ATXN1: variants seen among roughly 807,000 people sequenced by gnomAD.
The protein encoded by ATXN1 is ataxin-1.
In ATXN1, 8 loss-of-function variants were observed where a neutral mutation model predicts 56.4. That is an observed-to-expected ratio of 0.14 (90% CI 0.08 to 0.26). The LOEUF is 0.26. Among genes scored for constraint, ATXN1 ranks in the 10% least tolerant of loss-of-function variants. The pLI, the probability that ATXN1 is intolerant of heterozygous loss-of-function variation, is 1.00. For missense variants in ATXN1, 987 were observed against 1,106.5 expected (o/e 0.89, Z 1.53); for synonymous variants, 514 against 494.6 (o/e 1.04, Z -0.52).
chr6:16,680,142 C>T (rs1758784523), intron 2 of ATXN1, among the ~76,000 whole-genome samples: 1 of 152,110 alleles, frequency 6.6e-6, no homozygotes, highest in South Asian at 2.1e-4. Context: ...ATAATAAATT[C>T]TATCAGAATG....
intron 6 of ATXN1, among the ~76,000 whole-genome samples, chr6:16,440,008 G>A (rs551949217): frequency 6.8e-4 from 103 of 151,254 alleles, no homozygotes; most frequent in African/African-American, 2.4e-3. Context: ...CCGGGAGGCG[G>A]AGGTTGCAGT....
chr6:16,612,428 T>C (rs1214863428), intron 3 of ATXN1, among the ~76,000 whole-genome samples: 1 of 152,136 alleles, frequency 6.6e-6, no homozygotes, highest in African/African-American at 2.4e-5. Flanking sequence ...AAAGAATTCT[T>C]CTAAATAGGT....
intron 5 of ATXN1, among the ~76,000 whole-genome samples, chr6:16,513,070 C>T (rs1008377511): frequency 1.1e-4 from 17 of 152,206 alleles, no homozygotes; most frequent in East Asian, 5.8e-4. Flanking sequence ...GTTCAGCCAA[C>T]GGCTAGGAAA....
intron 3 of ATXN1, among the ~76,000 whole-genome samples, chr6:16,602,768 G>A (rs1052379078): frequency 6.6e-6 from 1 of 152,062 alleles, no homozygotes; most frequent in Non-Finnish European, 1.5e-5. Flanking sequence ...AATTCTGAAC[G>A]GGGAAAGAGG....
At chr6:16,313,387 TA>T (rs1238218345) in intron 7 of ATXN1, among the ~76,000 whole-genome samples, 1 of 152,122 alleles carries the variant, frequency 6.6e-6, no homozygotes, top group Non-Finnish European at 1.5e-5. Flanking sequence ...ACTCTGTCTC[TA>T]AAAACCAAAC....
intron 6 of ATXN1, among the ~76,000 whole-genome samples, chr6:16,417,121 T>A (rs986854242): frequency 1.3e-5 from 2 of 152,240 alleles, no homozygotes; most frequent in Non-Finnish European, 1.5e-5. Context: ...AGCCTTGAAC[T>A]GCTGGGCTCA....
Position 16,554,212 on chromosome 6 carries a change from T to C in ATXN1, c.-360-31524A>G, listed in dbSNP as rs146161018. 4.7e-3 allele frequency among the ~76,000 whole-genome samples: 710 copies of C among 152,354 alleles called. 6 individuals carry two copies. The highest frequency in any genetic ancestry group is 0.012 in the African/African-American group (514 of 41,588). ...CCACACAAGAATAATCTACTAATGG[T>C]ATAACAAGTGATTCATGGAAAAGAT... On this transcript the variant is annotated intron_variant, in intron 4 of 7. Coordinates refer to ENST00000436367, the MANE Select transcript of ATXN1 (RefSeq NM_001128164.2).
At chr6:16,499,084 G>C (rs1760830118) in intron 5 of ATXN1, among the ~76,000 whole-genome samples, 1 of 150,202 alleles carries the variant, frequency 6.7e-6, no homozygotes, top group African/African-American at 2.5e-5. Flanking sequence ...CAAATCCATG[G>C]TCATGAAGAT....
chr6:16,560,360 C>T (rs562627959), intron 4 of ATXN1, among the ~76,000 whole-genome samples: 3 of 115,590 alleles, frequency 2.6e-5, no homozygotes, highest in South Asian at 5.6e-4. Context: ...AACGGGGAGG[C>T]GGAGGTTGCA....
chr6:16,450,247 A>G (rs1302521778), intron 6 of ATXN1, among the ~76,000 whole-genome samples: 1 of 152,244 alleles, frequency 6.6e-6, no homozygotes, highest in African/African-American at 2.4e-5. Flanking sequence ...ATGCTCCCCT[A>G]TATGATTGCA....
At chr6:16,667,153 T>G (rs776775976) in intron 2 of ATXN1, 2 of 152,158 alleles carry the variant, frequency 1.3e-5, no homozygotes, top group Non-Finnish European at 2.9e-5. Flanking sequence ...TTCTAATAAA[T>G]AAAGAAATGG....
At chr6:16,457,603 A>G (rs1759904740) in intron 6 of ATXN1, among the ~76,000 whole-genome samples, 1 of 152,214 alleles carries the variant, frequency 6.6e-6, no homozygotes, top group Admixed American at 6.5e-5. Context: ...AAATTACAAC[A>G]CTATTCTGCA....
chr6:16,609,470 G>A (rs963644952), intron 3 of ATXN1, among the ~76,000 whole-genome samples: 2 of 152,194 alleles, frequency 1.3e-5, no homozygotes, highest in African/African-American at 2.4e-5. Context: ...TTCACCCATT[G>A]CCAAGCAGCA....
At chr6:16,384,632 G>C (rs999347964) in intron 6 of ATXN1, among the ~76,000 whole-genome samples, 1 of 152,184 alleles carries the variant, frequency 6.6e-6, no homozygotes, top group African/African-American at 2.4e-5. Flanking sequence ...ACTGGATCAC[G>C]GGCTTAGATT....
At chr6:16,400,834 C>T (rs1758552897) in intron 6 of ATXN1, among the ~76,000 whole-genome samples, 1 of 152,146 alleles carries the variant, frequency 6.6e-6, no homozygotes, top group African/African-American at 2.4e-5. Context: ...AGGTCATGGT[C>T]TACTTTTTGG....
chr6:16,361,700 C>T (rs1761812082), intron 6 of ATXN1, among the ~76,000 whole-genome samples: 1 of 152,192 alleles, frequency 6.6e-6, no homozygotes, highest in Non-Finnish European at 1.5e-5. Flanking sequence ...CCTCTCTCTT[C>T]CCAAACTTCT....
intron 2 of ATXN1, among the ~76,000 whole-genome samples, chr6:16,732,036 C>A (rs566154605): frequency 1.3e-5 from 2 of 152,274 alleles, no homozygotes; most frequent in African/African-American, 4.8e-5. Context: ...TTTGCCAAGA[C>A]TTTTCTAGTT....
intron 2 of ATXN1, among the ~76,000 whole-genome samples, chr6:16,682,203 C>CTTT (rs10528588): frequency 8.5e-6 from 1 of 116,960 alleles, no homozygotes; most frequent in Non-Finnish European, 1.7e-5. Context: ...CTGGGGAGAA[C>CTTT]TTTTTTTTTT....
At chr6:16,599,108 C>A (rs1762868013) in intron 3 of ATXN1, among the ~76,000 whole-genome samples, 1 of 152,226 alleles carries the variant, frequency 6.6e-6, no homozygotes, top group Non-Finnish European at 1.5e-5. Context: ...TTGCCAAAAA[C>A]TGATCTGACA....
Sources: allele counts gnomAD v4.1 joint callset (sites outside exome capture counted in the v4.1 genomes callset), GRCh38; gene constraint gnomAD v4.1.1; transcripts MANE v1.5; gene names NCBI Gene and HGNC (gene_info 2026-07-23, HGNC 2026-07-21).